Variants in PTPRN2 observed in about 807,000 individuals in gnomAD.
PTPRN2 encodes receptor-type tyrosine-protein phosphatase N2.
In PTPRN2, 74 loss-of-function variants were observed where a neutral mutation model predicts 118.8. The ratio of observed to expected loss-of-function variants is 0.62; its 90% CI spans 0.52 to 0.76. The LOEUF (loss-of-function observed/expected upper bound fraction) is 0.76, where lower values mean the gene tolerates loss of function less well. PTPRN2 is among the 30% of genes least tolerant of loss of function. The probability of loss-of-function intolerance (pLI) is 0.00; values close to 1 mark genes in which losing one functional copy is unlikely to be tolerated. For missense variants in PTPRN2, 1,481 were observed against 1,394.4 expected (o/e 1.06, Z -0.99); for synonymous variants, 641 against 608.0 (o/e 1.05, Z -0.80).
rs148497590 is a variant in PTPRN2 at position 158,494,908 on chromosome 7, C to T, written c.113-5123G>A. 1.8e-3 allele frequency among the ~76,000 whole-genome samples: 267 copies of T among 152,290 alleles called. 6 individuals are homozygous for T. The East Asian group carries it at 0.034, about 19-fold the overall frequency. ...ATATAACGAAGCAGAGTGAAGTAAT[C>T]TATACCCAGCCTTTTCCTCCCTGGC... On this transcript the variant is annotated intron_variant, in intron 1 of 22. Transcript: ENST00000389418.
chr7:158,032,350 C>T (rs1807749552), intron 11 of PTPRN2, among the ~76,000 whole-genome samples: 1 of 152,174 alleles, frequency 6.6e-6, no homozygotes. Flanking sequence ...CCCTCTCCTG[C>T]CCCTCCTTCC....
chr7:158,518,250 C>T (rs1047397376), intron 1 of PTPRN2, among the ~76,000 whole-genome samples: 4 of 150,484 alleles, frequency 2.7e-5, no homozygotes, highest in East Asian at 1.9e-4. Flanking sequence ...TTAATAGAGA[C>T]GATATGGATT....
At chr7:157,852,139 C>T (rs1809325248) in intron 12 of PTPRN2, among the ~76,000 whole-genome samples, 2 of 152,214 alleles carry the variant, frequency 1.3e-5, no homozygotes, top group South Asian at 4.1e-4. Flanking sequence ...CTTAGGGTCT[C>T]AGCCAACAGA....
chr7:158,143,614 A>G (rs1008728865), intron 6 of PTPRN2, among the ~76,000 whole-genome samples: 6 of 152,196 alleles, frequency 3.9e-5, no homozygotes, highest in East Asian at 1.9e-4. Flanking sequence ...ACACGAACCA[A>G]TGAACACAGG....
At chr7:157,635,885 C>T (rs1388448753) in intron 14 of PTPRN2, among the ~76,000 whole-genome samples, 2 of 152,202 alleles carry the variant, frequency 1.3e-5, no homozygotes, top group African/African-American at 4.8e-5. Flanking sequence ...ATAATCCATT[C>T]CCAGAATGCA....
At chr7:158,432,589 T>C (rs1650993597) in intron 2 of PTPRN2, among the ~76,000 whole-genome samples, 1 of 152,250 alleles carries the variant, frequency 6.6e-6, no homozygotes, top group African/African-American at 2.4e-5. Flanking sequence ...TCCTGGAATA[T>C]GTTTAAAGTA....
At chr7:158,365,702 ATG>A (rs1809389743) in intron 2 of PTPRN2, among the ~76,000 whole-genome samples, 1 of 141,950 alleles carries the variant, frequency 7.0e-6, no homozygotes. Flanking sequence ...CAATGCACAC[ATG>A]CACACGCACA....
intron 17 of PTPRN2, among the ~76,000 whole-genome samples, chr7:157,580,940 C>T (rs1490968464): frequency 5.1e-5 from 7 of 137,224 alleles, no homozygotes; most frequent in Non-Finnish European, 9.4e-5. Flanking sequence ...CCCTGCACAC[C>T]CCAGCCCCTG....
At chr7:158,277,494 A>ACTTCTACTAC (rs1799098908) in intron 3 of PTPRN2, among the ~76,000 whole-genome samples, 1 of 152,118 alleles carries the variant, frequency 6.6e-6, no homozygotes. Context: ...TGACCCCTGA[A>ACTTCTACTAC]ATCAGCAAGA....
At chr7:158,557,163 C>G (rs1357696178) in intron 1 of PTPRN2, among the ~76,000 whole-genome samples, 2 of 131,934 alleles carry the variant, frequency 1.5e-5, no homozygotes, top group African/African-American at 2.9e-5. Flanking sequence ...GCGGCTCCCA[C>G]GCAGGTCAGG....
intron 21 of PTPRN2, among the ~76,000 whole-genome samples, chr7:157,561,309 C>T (rs761414461): frequency 1.3e-5 from 2 of 152,370 alleles, no homozygotes; most frequent in Admixed American, 6.5e-5. Context: ...TCTCCCACTT[C>T]CCTGCAGACT....
rs990208801 is a variant in PTPRN2, at chr7:158,356,192, A to G, written c.164-39260T>C. Among the ~76,000 whole-genome samples the G allele has an allele frequency of 6.6e-5, 10 of 152,226 alleles. No homozygotes were observed. The South Asian group carries it at 2.1e-3, about 32-fold the overall frequency. On this transcript the variant is annotated intron_variant, in intron 2 of 22. Coordinates refer to ENST00000389418, the MANE Select transcript of PTPRN2 (RefSeq NM_002847.5). The stretch of plus-strand genomic sequence containing the variant: ...TGCCATTTCTGAAAATAAAGACAAT[A>G]CAAGCTGGTCATCACTGTTGACAAA...
In PTPRN2 at chr7:158,319,493, C is replaced by CACACA. The variant is rs1563131490; in HGVS notation, c.164-2562_164-2561insTGTGT. Among the ~76,000 whole-genome samples, 11 of 56,460 alleles carry CACACA rather than the reference C, an allele frequency of 1.9e-4. 2 individuals are homozygous for CACACA. 37.0% of individuals were successfully genotyped at this position (56,460 alleles called of 152,430 possible). ...ACACACAAGCACAGCCTCCCTCACA[C>CACACA]TCACACAGCCTCCCCCCACACACAC... On this transcript the variant is annotated intron_variant, in intron 2 of 22. Coordinates refer to ENST00000389418, the MANE Select transcript of PTPRN2 (RefSeq NM_002847.5).
intron 11 of PTPRN2, among the ~76,000 whole-genome samples, chr7:157,956,751 G>C (rs1381592566): frequency 2.0e-5 from 3 of 152,194 alleles, no homozygotes; most frequent in Non-Finnish European, 2.9e-5. Flanking sequence ...GGTCATGGTG[G>C]GAACCTCACT....
At chr7:158,304,443 T>C (rs1801127384) in intron 3 of PTPRN2, among the ~76,000 whole-genome samples, 1 of 147,768 alleles carries the variant, frequency 6.8e-6, no homozygotes, top group Non-Finnish European at 1.5e-5. Context: ...TAGGGAGGCA[T>C]AAGACACCCG....
chr7:158,149,255 A>T (rs1368310269), intron 6 of PTPRN2, among the ~76,000 whole-genome samples: 1 of 152,036 alleles, frequency 6.6e-6, no homozygotes, highest in East Asian at 1.9e-4. Flanking sequence ...AGTACAGGGA[A>T]CCCAATTTCC....
intron 6 of PTPRN2, among the ~76,000 whole-genome samples, chr7:158,149,318 C>G (rs1007581364): frequency 6.6e-6 from 1 of 152,158 alleles, no homozygotes; most frequent in Non-Finnish European, 1.5e-5. Context: ...GTGTAAATCA[C>G]TGCCTATATT....
At chr7:158,213,975 C>T (rs1013670382) in intron 3 of PTPRN2, among the ~76,000 whole-genome samples, 7 of 152,134 alleles carry the variant, frequency 4.6e-5, no homozygotes, top group Admixed American at 3.9e-4. Context: ...TCCAGAACAA[C>T]AGTTGGTCAA....
chr7:158,368,297 T>C lies in PTPRN2; in HGVS notation c.164-51365A>G, dbSNP rs565528363. Among the ~76,000 whole-genome samples the C allele has an allele frequency of 1.2e-4, 18 of 152,302 alleles. No individual in the cohort carries two copies. In the East Asian group the frequency reaches 3.5e-3, roughly 29 times the overall value. On this transcript the variant is annotated intron_variant, in intron 2 of 22. Coordinates refer to ENST00000389418, the MANE Select transcript of PTPRN2 (RefSeq NM_002847.5). Reference sequence around the variant, plus strand: ...GGGACCCTGTAACAGCTGCCACAGCTTCCCTGGGAGGCCCCCGCTTGTGTT... The same window carrying C: ...GGGACCCTGTAACAGCTGCCACAGCCTCCCTGGGAGGCCCCCGCTTGTGTT...
Sources: allele counts gnomAD v4.1 joint callset (sites outside exome capture counted in the v4.1 genomes callset), GRCh38; gene constraint gnomAD v4.1.1; transcripts MANE v1.5; gene names NCBI Gene and HGNC (gene_info 2026-07-23, HGNC 2026-07-21).